The following MAP3K13 variants were observed in gnomAD, a reference collection of about 807,000 sequenced individuals.
The protein encoded by MAP3K13 is leucine zipper-bearing kinase.
Under a neutral mutation model 104.0 loss-of-function variants are expected in MAP3K13, and 52 were observed. That is an observed-to-expected ratio of 0.50 (90% CI 0.40 to 0.63). The LOEUF (loss-of-function observed/expected upper bound fraction) is 0.63. Ranked by LOEUF, MAP3K13 falls within the 20% of genes least tolerant of loss-of-function variation. The pLI, the probability that MAP3K13 is intolerant of heterozygous loss-of-function variation, is 0.00. For synonymous variants in MAP3K13, 394 were observed against 442.2 expected (o/e 0.89, Z 1.37); for missense variants, 914 against 1,218.5 (o/e 0.75, Z 3.72).
intron 1 of MAP3K13, among the ~76,000 whole-genome samples, chr3:185,410,806 G>A (rs777094766): frequency 5.9e-5 from 9 of 151,820 alleles, no homozygotes; most frequent in Non-Finnish European, 1.2e-4. Flanking sequence ...ATTGTGGCGG[G>A]CGCCTGTAAT....
At chr3:185,417,522 A>G in intron 1 of MAP3K13, 2 of 1,609,602 alleles carry the variant, frequency 1.2e-6, no homozygotes, top group East Asian at 2.2e-5. Context: ...TTTCCTCTGT[A>G]GTAGGTTTCT....
At chr3:185,388,745 G>T (rs1324112376) in intron 1 of MAP3K13, among the ~76,000 whole-genome samples, 1 of 151,990 alleles carries the variant, frequency 6.6e-6, no homozygotes, top group Non-Finnish European at 1.5e-5. Flanking sequence ...TGAACAAAAA[G>T]AACAAAGCTG....
chr3:185,451,241 C>A, intron 6 of MAP3K13, 46 bp from the exon 7 acceptor site: 1 of 1,350,466 alleles, frequency 7.4e-7, no homozygotes, highest in Non-Finnish European at 1.0e-6. Context: ...CTTCATTCTC[C>A]TGGATACAAC....
At chr3:185,454,929 ATG>A (rs1716320836) in intron 7 of MAP3K13, among the ~76,000 whole-genome samples, 1 of 91,260 alleles carries the variant, frequency 1.1e-5, no homozygotes, top group African/African-American at 3.9e-5. Flanking sequence ...AGATATATAT[ATG>A]ATATATATAT....
intron 1 of MAP3K13, among the ~76,000 whole-genome samples, chr3:185,376,044 G>T (rs997634802): frequency 5.3e-5 from 8 of 152,168 alleles, no homozygotes; most frequent in Non-Finnish European, 1.0e-4. Flanking sequence ...CTGGTGAGTG[G>T]TGATTAGGCC....
At chr3:185,425,708 A>G (rs1714371236) in intron 1 of MAP3K13, among the ~76,000 whole-genome samples, 1 of 152,152 alleles carries the variant, frequency 6.6e-6, no homozygotes, top group Non-Finnish European at 1.5e-5. Context: ...GCCTTTGCCT[A>G]CTTTTTCTAA....
Position 185,418,542 on chromosome 3 carries a change from A to G in MAP3K13, c.-85-9955A>G. 6.2e-7 allele frequency: 1 copy of G among 1,612,164 alleles called. No individual in the cohort carries two copies. The highest frequency in any genetic ancestry group is 8.5e-7 in the Non-Finnish European group (1 of 1,179,836). ...CAGAGCGGTGAGTCCCACCACCTCG[A>G]ACTCTGGGAATTCGAGCCATAGCTC... is the stretch of plus-strand genomic sequence containing the variant. On this transcript the variant is annotated intron_variant, in intron 1 of 13. Transcript: ENST00000265026. This position sits in a 1 kb window ranked among gnomAD's most constrained non-coding sequence, Gnocchi z 4.5.
Position 185,371,843 on chromosome 3 carries a change from A to G in MAP3K13, c.-86+8475A>G, listed in dbSNP as rs528578470. On this transcript the variant is annotated intron_variant, in intron 1 of 13. Transcript: ENST00000265026. Reference sequence around the variant, plus strand: ...CAGTTGCCATTACTAAAGAGGGCTCAATTTGCAAAATAAGCCCACTAAGGC... The same window carrying G: ...CAGTTGCCATTACTAAAGAGGGCTCGATTTGCAAAATAAGCCCACTAAGGC... 2.0e-5 allele frequency among the ~76,000 whole-genome samples: 3 copies of G among 152,306 alleles called. No individual in the cohort carries two copies. The South Asian group carries it at 6.2e-4, about 32-fold the overall frequency.
chr3:185,383,476 G>C (rs1239035814), intron 1 of MAP3K13, among the ~76,000 whole-genome samples: 2 of 151,582 alleles, frequency 1.3e-5, no homozygotes, highest in Non-Finnish European at 2.9e-5. Flanking sequence ...GCAGGAGAAT[G>C]GCGTGAACCC....
At chr3:185,478,164 A>T (rs559209083) in intron 12 of MAP3K13, among the ~76,000 whole-genome samples, 1 of 152,310 alleles carries the variant, frequency 6.6e-6, no homozygotes, top group East Asian at 1.9e-4. Context: ...CCAGCCTTAG[A>T]AATAGCTTCT....
chr3:185,362,142 C>T (rs919374541), upstream of MAP3K13, among the ~76,000 whole-genome samples: 6 of 152,322 alleles, frequency 3.9e-5, no homozygotes, highest in Middle Eastern at 3.4e-3. Context: ...TTTATATTAA[C>T]CACGATCGTT....
Position 185,483,472 on chromosome 3 carries a change from G to T in MAP3K13, c.*1016G>T, listed in dbSNP as rs1162457442. The T allele has an allele frequency of 8.7e-6, 2 of 230,394 alleles. No homozygotes were observed. Among genetic ancestry groups the T allele is most frequent in the Non-Finnish European group, 1.7e-5 (2 of 116,378 alleles). The allele number at this position is 230,394 out of a possible 1,614,324, so 14.3% of individuals were successfully genotyped here. On this transcript the variant is annotated 3_prime_UTR_variant, in exon 14 of 14. Coordinates refer to ENST00000265026, the MANE Select transcript of MAP3K13 (RefSeq NM_004721.5). ...TGAGAGAGGAAGAACATCTACAGTG[G>T]TGTTAGGAAAACGAACGTGGAATTT...
At chr3:185,466,583 C>T (rs1488879907) in intron 9 of MAP3K13, among the ~76,000 whole-genome samples, 1 of 151,896 alleles carries the variant, frequency 6.6e-6, no homozygotes, top group Non-Finnish European at 1.5e-5. Flanking sequence ...CACTATGTTG[C>T]CCAGGCTGGT....
rs1718569089 is a variant in MAP3K13, at chr3:185,483,419, G to C, written c.*963G>C. ...CCACTTCCTGTAGGAACAAAGGTTG[G>C]GGGGCAGTACTGAGGAGGAGAAAAG... On this transcript the variant is annotated 3_prime_UTR_variant, in exon 14 of 14. Transcript: ENST00000265026. The C allele has an allele frequency of 4.3e-6, 1 of 231,246 alleles. No individual in the cohort carries two copies. The highest frequency in any genetic ancestry group is 1.8e-4 in the South Asian group (1 of 5,504). The allele number at this position is 231,246 out of a possible 1,614,324, so 14.3% of individuals were successfully genotyped here. A position where few individuals can be genotyped will look rare whatever the true frequency, so the allele number is the denominator to read the frequency against.
chr3:185,389,727 C>A (rs1711925507), intron 1 of MAP3K13, among the ~76,000 whole-genome samples: 1 of 151,290 alleles, frequency 6.6e-6, no homozygotes, highest in Admixed American at 6.6e-5. Flanking sequence ...GACCCCAAAC[C>A]AAAGGGCTTT....
chr3:185,404,008 A>G (rs1473595229), intron 1 of MAP3K13, among the ~76,000 whole-genome samples: 3 of 152,234 alleles, frequency 2.0e-5, no homozygotes, highest in African/African-American at 7.2e-5. Flanking sequence ...TAACAATGGG[A>G]TCATTTAATG....
At chr3:185,368,940 TA>T (rs1205392679) in intron 1 of MAP3K13, among the ~76,000 whole-genome samples, 19 of 126,230 alleles carry the variant, frequency 1.5e-4, no homozygotes, top group Admixed American at 2.7e-4. Flanking sequence ...GCCTGGGCAA[TA>T]AGAGTGAAAC....
intron 2 of MAP3K13, among the ~76,000 whole-genome samples, chr3:185,437,132 C>T (rs762638327): frequency 1.4e-4 from 21 of 150,704 alleles, no homozygotes; most frequent in Middle Eastern, 3.5e-3. Context: ...TAGAGACAGA[C>T]GGGTAAATTG....
chr3:185,348,025 AAAG>A (rs1334612625), intron 2 of MAP3K13, among the ~76,000 whole-genome samples: 6 of 151,586 alleles, frequency 4.0e-5, no homozygotes, highest in African/African-American at 7.3e-5. Context: ...AAAAAAAAAA[AAAG>A]AAAGAAAGAA....
Sources: gnomAD v4.1 joint callset for allele counts (sites outside exome capture counted in the v4.1 genomes callset) on GRCh38, gnomAD v4.1.1 for gene constraint, Gnocchi (gnomAD v3.1) non-coding constraint, MANE v1.5 for transcripts, NCBI Gene and HGNC (gene_info 2026-07-23, HGNC 2026-07-21) for gene names.